The following APLP1 variants were observed in gnomAD, a reference collection of about 807,000 sequenced individuals.
The protein encoded by APLP1 is amyloid beta precursor like protein 1.
A neutral mutation model predicts 84.5 loss-of-function variants in APLP1; 46 were observed. The observed-to-expected ratio is 0.54, with a 90% CI of 0.43 to 0.70. The LOEUF (loss-of-function observed/expected upper bound fraction) is 0.70. Ranked by LOEUF, APLP1 falls within the 30% of genes least tolerant of loss-of-function variation. The pLI is 0.00. For missense variants in APLP1, 826 were observed against 900.2 expected, an observed-to-expected ratio of 0.92 and a Z score of 1.05; for synonymous variants, 376 against 364.0, an observed-to-expected ratio of 1.03 and a Z score of -0.38.
Position 35,869,294 on chromosome 19 carries a change from T to C in APLP1, c.148-373T>C. 5.7e-6 allele frequency: 3 copies of C among 522,298 alleles called. No homozygotes were observed. The East Asian group carries it at 1.1e-4, about 19-fold the overall frequency. The allele number at this position is 522,298 out of a possible 1,614,324, so 32.4% of individuals were successfully genotyped here. A position where few individuals can be genotyped will look rare whatever the true frequency, so the allele number is the denominator to read the frequency against. ...GCCAGGCCTTGTCAGCTTTGCATCC[T>C]GCAACGGGAGCCTGAGCAAGGGATG... On this transcript the variant is annotated intron_variant, in intron 1 of 16. Transcript: ENST00000221891.
Position 35,871,326 on chromosome 19 carries a change from C to G in APLP1, c.514C>G (p.Arg172Gly). 6.2e-7 allele frequency: 1 copy of G among 1,612,176 alleles called. No homozygotes were observed. The highest frequency in any genetic ancestry group is 8.5e-7 in the Non-Finnish European group (1 of 1,179,258). Reference sequence around the variant, plus strand: ...CATGGACCAATGTGAGAGTTCAACCCGGAGGCATCAGGAGGCACAGGAGGT... The same window carrying G: ...CATGGACCAATGTGAGAGTTCAACCGGGAGGCATCAGGAGGCACAGGAGGT... ...ERMDQCESST[R>G]RHQEAQEACS... The change falls in exon 4 of 17, where the codon CGG becomes GGG. Residue 172 changes from arginine to glycine, a missense_variant. Coordinates refer to ENST00000221891, the MANE Select transcript of APLP1 (RefSeq NM_001024807.3).
At chr19:35,872,236 G>T (rs1043776416) in intron 6 of APLP1, among the ~76,000 whole-genome samples, 200 bp downstream of exon 6, 10 of 152,122 alleles carry the variant, frequency 6.6e-5, no homozygotes, top group African/African-American at 2.4e-4. Context: ...GTACTTGGGA[G>T]TAGAGGGGCC....
intron 10 of APLP1, 119 bp from the exon 11 acceptor site, chr19:35,876,398 T>C (rs1436813182): frequency 3.7e-6 from 3 of 817,594 alleles, no homozygotes; most frequent in Non-Finnish European, 6.3e-6. Flanking sequence ...CCACACATCC[T>C]GTCCATTGCA....
chr19:35,868,678 C>T lies in APLP1; in HGVS notation c.42C>T (p.Arg14=), dbSNP rs902830955. The T allele has an allele frequency of 3.5e-5, 49 of 1,406,096 alleles. No individual in the cohort carries two copies. The highest frequency in any genetic ancestry group is 7.5e-5 in the African/African-American group (5 of 66,382). The allele number at this position is 1,406,096 out of a possible 1,614,324, so 87.1% of individuals were successfully genotyped here. A position where few individuals can be genotyped will look rare whatever the true frequency, so the allele number is the denominator to read the frequency against. The change falls in exon 1 of 17, where the codon CGC becomes CGT. Residue 14 remains arginine, a synonymous_variant. Transcript: ENST00000221891. The surrounding 1 kb of genome is among the most constrained non-coding windows in gnomAD (Gnocchi z 5.2). ...ASPAARGLSR[R]PGQPPLPLLL... ...CCGCTGCTCGCGGTCTAAGTCGCCG[C>T]CCGGGCCAGCCGCCGCTGCCGCTGC...
At chr19:35,869,352 G>GCCT (rs1171329418) in intron 1 of APLP1, 4 of 567,786 alleles carry the variant, frequency 7.0e-6, no homozygotes, top group East Asian at 6.3e-5. Context: ...CTGGGTTCTG[G>GCCT]CCTCCTCCTC....
Position 35,874,498 on chromosome 19 carries a change from C to A in APLP1, c.1057-6C>A, listed in dbSNP as rs1447815737. 6.2e-7 allele frequency: 1 copy of A among 1,613,820 alleles called. No individual in the cohort carries two copies. The highest frequency in any genetic ancestry group is 8.5e-7 in the Non-Finnish European group (1 of 1,179,876). ...TCTCCTGACCCTGTGCCCACCCGCTCCCCAGCACTTCCAGTCCATTCTGCA... is the reference window on the plus strand; with the variant it reads ...TCTCCTGACCCTGTGCCCACCCGCTACCCAGCACTTCCAGTCCATTCTGCA... On this transcript the variant is annotated splice_polypyrimidine_tract_variant and splice_region_variant and intron_variant, in intron 8 of 16. Coordinates refer to ENST00000221891, the MANE Select transcript of APLP1 (RefSeq NM_001024807.3). The surrounding 1 kb of genome is among the most constrained non-coding windows in gnomAD (Gnocchi z 6.4).
chr19:35,879,292 G>T, intron 16 of APLP1, 51 bp from the exon 17 acceptor site: 1 of 1,609,780 alleles, frequency 6.2e-7, no homozygotes, highest in Non-Finnish European at 8.5e-7. Context: ...AGACTTGCGG[G>T]CAGTCCCGCC....
chr19:35,869,400 C>T, intron 1 of APLP1: 1 of 634,390 alleles, frequency 1.6e-6, no homozygotes, highest in Non-Finnish European at 2.8e-6. Flanking sequence ...TCCAGAGCGG[C>T]TGCGCTGGGG....
chr19:35,878,517 G>A (rs1974332407), intron 13 of APLP1, 67 bp from the exon 14 acceptor site: 1 of 1,552,074 alleles, frequency 6.4e-7, no homozygotes, highest in Non-Finnish European at 8.9e-7. Context: ...CTGCACTCCA[G>A]CCTGGGTGAC....
chr19:35,875,532 G>A (rs1417181477), intron 10 of APLP1, among the ~76,000 whole-genome samples: 3 of 152,164 alleles, frequency 2.0e-5, no homozygotes, highest in Non-Finnish European at 4.4e-5. Flanking sequence ...CACCATACTG[G>A]TCAGGCTGGT....
Position 35,879,610 on chromosome 19 carries a change from C to T in APLP1, c.*169C>T, listed in dbSNP as rs1974372940. On this transcript the variant is annotated 3_prime_UTR_variant, in exon 17 of 17. Coordinates refer to ENST00000221891, the MANE Select transcript of APLP1 (RefSeq NM_001024807.3). ...CCCCTTTCCAATTCCAAAATTCCAT[C>T]CCTAAGAATTCCCAGATAGTCCCAG... 1 of 616,036 alleles carries T rather than the reference C, an allele frequency of 1.6e-6. No individual in the cohort carries two copies. The highest frequency in any genetic ancestry group is 2.8e-6 in the Non-Finnish European group (1 of 357,034). 38.2% of individuals were successfully genotyped at this position (616,036 alleles called of 1,614,324 possible).
chr19:35,869,914 GC>G, intron 2 of APLP1, 104 bp downstream of exon 2: 1 of 1,440,910 alleles, frequency 6.9e-7, no homozygotes, highest in South Asian at 1.3e-5. Context: ...AGGCTGGGGG[GC>G]GTGGCCAATA....
intron 14 of APLP1, 117 bp from the exon 15 acceptor site, chr19:35,878,773 A>AG: frequency 6.5e-7 from 1 of 1,535,402 alleles, no homozygotes. Context: ...GAGGGAGCTG[A>AG]GGACGTGGAA....
In APLP1 at chr19:35,874,894, A is replaced by T. The variant is rs771176342; in HGVS notation, c.1344+25A>T. ...GGTGCTCACATCCTTCCAGCTCCCA[A>T]ATGCGCCGCTATTCCTCAGACGCCC... On this transcript the variant is annotated intron_variant, in intron 10 of 16. Coordinates refer to ENST00000221891, the MANE Select transcript of APLP1 (RefSeq NM_001024807.3). The surrounding 1 kb of genome is among the most constrained non-coding windows in gnomAD (Gnocchi z 6.4). 1.1e-5 allele frequency: 17 copies of T among 1,601,680 alleles called. No homozygotes were observed. Among genetic ancestry groups the T allele is most frequent in the Admixed American group, 3.3e-5 (2 of 59,870 alleles).
chr19:35,878,580 G>T lies in APLP1; in HGVS notation c.1580-4G>T. ...AAAAAGAATGAGATCAGACTTGGGG[G>T]TAGGGTCCACAGAACAAGATGCTGC... On this transcript the variant is annotated splice_polypyrimidine_tract_variant and splice_region_variant and intron_variant, in intron 13 of 16. Transcript: ENST00000221891. 1 of 1,613,896 alleles carries T rather than the reference G, an allele frequency of 6.2e-7. No individual in the cohort carries two copies. Among genetic ancestry groups the T allele is most frequent in the Non-Finnish European group, 8.5e-7 (1 of 1,179,906 alleles).
At position 35,871,885 on chromosome 19, in the gene APLP1, G is replaced by T. The variant is rs188024320; in HGVS notation, c.699G>T (p.Pro233=). The T allele has an allele frequency of 9.9e-6, 16 of 1,614,046 alleles. No individual in the cohort carries two copies. In the African/African-American group the frequency reaches 1.2e-4, roughly 12 times the overall value. Residue 233 remains proline, a synonymous_variant, in exon 6 of 17, where the codon CCG becomes CCT. Coordinates refer to ENST00000221891, the MANE Select transcript of APLP1 (RefSeq NM_001024807.3). ...ACCCCTCCACCCGGTCCTGGCCCCC[G>T]GGGAGCAGAGTAGAGGGGGCTGAGG... ...VGDPSTRSWP[P]GSRVEGAEDE...
At position 35,871,282 on chromosome 19, in the gene APLP1, G is replaced by T. The variant is rs375779576; in HGVS notation, c.470G>T (p.Arg157Leu). 1.2e-6 allele frequency: 2 copies of T among 1,613,548 alleles called. No homozygotes were observed. Among genetic ancestry groups the T allele is most frequent in the African/African-American group, 1.3e-5 (1 of 74,866 alleles). ...GCCCTGCTGGTGCCTGAAGGCTGCC[G>T]GTTCTTGCACCAGGAGCGCATGGAC... ...SEALLVPEGC[R>L]FLHQERMDQC... The change falls in exon 4 of 17, where the codon CGG (arginine) becomes CTG (leucine). Residue 157 changes from arginine (R) to leucine (L), a missense_variant. Physicochemically the swap from Arg to Leu is moderately radical, Grantham distance 102. This residue lies in a region of APLP1 where 383 missense variants were observed against 378.3 expected (regional missense o/e 1.01). Transcript: ENST00000221891.
chr19:35,872,458 G>C (rs779624928), intron 6 of APLP1, 25 bp from the exon 7 acceptor site: 1 of 1,606,886 alleles, frequency 6.2e-7, no homozygotes, highest in East Asian at 2.2e-5. Flanking sequence ...GCTGCAGACT[G>C]ACCTCCTGAT....
rs1364683937 is a variant in APLP1, at chr19:35,870,993, A to G, written c.389A>G (p.His130Arg). Residue 130 changes from histidine to arginine, a missense_variant, in exon 3 of 17, where the codon CAC (histidine) becomes CGC (arginine). This residue lies in a region of APLP1 where 383 missense variants were observed against 378.3 expected (regional missense o/e 1.01). Transcript: ENST00000221891. ...CGGSRSGSCA[H>R]PHHQVVPFRC... ...GGTTCCCGGAGCGGCAGCTGCGCCC[A>G]CCCCCACCACCAGGTTGTGCCCTTC... The G allele has an allele frequency of 6.4e-7, 1 of 1,551,022 alleles. No homozygotes were observed. Among genetic ancestry groups the G allele is most frequent in the Non-Finnish European group, 8.7e-7 (1 of 1,149,482 alleles).
Sources: gnomAD v4.1 joint callset for allele counts (sites outside exome capture counted in the v4.1 genomes callset) on GRCh38, gnomAD v4.1.1 for gene constraint, gnomAD v4.1.1 regional missense constraint, Gnocchi (gnomAD v3.1) non-coding constraint, MANE v1.5 for transcripts, NCBI Gene and HGNC (gene_info 2026-07-23, HGNC 2026-07-21) for gene names.